PCLO: variants seen among roughly 807,000 people sequenced by gnomAD.
PCLO encodes piccolo presynaptic cytomatrix protein, also known as protein piccolo.
A neutral mutation model predicts 427.5 loss-of-function variants in PCLO; 82 were observed. The ratio of observed to expected loss-of-function variants is 0.19; its 90% CI spans 0.16 to 0.23. The LOEUF is 0.23. Ranked by LOEUF, PCLO falls within the 10% of genes least tolerant of loss-of-function variation. PCLO has a pLI of 1.00. For synonymous variants in PCLO, 2,357 were observed against 2,155.4 expected (o/e 1.09, Z -2.59); for missense variants, 6,239 against 6,115.9 (o/e 1.02, Z -0.67).
intron 10 of PCLO, among the ~76,000 whole-genome samples, chr7:82,855,303 A>G (rs1792773927): frequency 6.6e-6 from 1 of 152,148 alleles, no homozygotes; most frequent in Non-Finnish European, 1.5e-5. Flanking sequence ...AGTGACACCT[A>G]AGAGGTGATA....
intron 4 of PCLO, among the ~76,000 whole-genome samples, chr7:82,964,064 T>C (rs1468245945): frequency 6.6e-6 from 1 of 152,146 alleles, no homozygotes; most frequent in Non-Finnish European, 1.5e-5. Context: ...AGAAAACATT[T>C]ACCTGACAGC....
intron 6 of PCLO, among the ~76,000 whole-genome samples, chr7:82,942,611 A>G (rs897168149): frequency 1.3e-5 from 2 of 152,148 alleles, no homozygotes; most frequent in African/African-American, 4.8e-5. Flanking sequence ...ACATTTGTAT[A>G]TCTGTGTACA....
At chr7:83,127,219 C>T (rs1004872246) in intron 3 of PCLO, among the ~76,000 whole-genome samples, 4 of 151,834 alleles carry the variant, frequency 2.6e-5, no homozygotes, top group Admixed American at 2.6e-4. Context: ...TGAGGTAAGT[C>T]GGTGAGTGTT....
chr7:83,060,059 T>C (rs1280340777), intron 3 of PCLO, among the ~76,000 whole-genome samples: 2 of 152,170 alleles, frequency 1.3e-5, no homozygotes, highest in Non-Finnish European at 2.9e-5. Context: ...AATAGCTGCA[T>C]AGATAAACTT....
At chr7:82,989,901 A>T (rs1319353899) in intron 3 of PCLO, among the ~76,000 whole-genome samples, 1 of 152,152 alleles carries the variant, frequency 6.6e-6, no homozygotes, top group East Asian at 1.9e-4. Context: ...CATTAAGGAG[A>T]TTATGTTTTG....
At chr7:83,083,335 C>T (rs2116406235) in intron 3 of PCLO, among the ~76,000 whole-genome samples, 1 of 151,968 alleles carries the variant, frequency 6.6e-6, no homozygotes, top group African/African-American at 2.4e-5. Flanking sequence ...TGTACAAAAT[C>T]AAATATGATC....
intron 3 of PCLO, among the ~76,000 whole-genome samples, chr7:83,087,081 A>G (rs62458611): frequency 0.55 from 55,674 of 100,618 alleles, 11,321 homozygotes; most frequent in Middle Eastern, 0.6. Context: ...GGTGGGGGGA[A>G]GGGGGAGGGA....
intron 12 of PCLO, among the ~76,000 whole-genome samples, chr7:82,845,924 T>C (rs1199383930): frequency 6.6e-6 from 1 of 152,148 alleles, no homozygotes; most frequent in Non-Finnish European, 1.5e-5. Flanking sequence ...AAAATTCGTA[T>C]AGCACTTGGT....
chr7:83,096,613 C>A (rs6962736), intron 3 of PCLO, among the ~76,000 whole-genome samples: 1 of 148,796 alleles, frequency 6.7e-6, no homozygotes, highest in Non-Finnish European at 1.5e-5. Context: ...GGTGGGATTG[C>A]CATCAAAATT....
At chr7:82,814,881 A>AAGACCCAC (rs893133127) in intron 20 of PCLO, among the ~76,000 whole-genome samples, 4 of 152,038 alleles carry the variant, frequency 2.6e-5, no homozygotes, top group African/African-American at 9.7e-5. Context: ...ATTACTGGTC[A>AAGACCCAC]AGACCCACAG....
At chr7:82,790,547 A>G (rs2129468390) in intron 22 of PCLO, among the ~76,000 whole-genome samples, 1 of 152,322 alleles carries the variant, frequency 6.6e-6, no homozygotes, top group South Asian at 2.1e-4. Flanking sequence ...TCCTGCCAGG[A>G]AGGCTTTTCT....
chr7:83,117,270 A>C (rs1791158496), intron 3 of PCLO, among the ~76,000 whole-genome samples: 1 of 152,122 alleles, frequency 6.6e-6, no homozygotes, highest in African/African-American at 2.4e-5. Flanking sequence ...GTAGGATTAG[A>C]GGCAGGCCCA....
intron 3 of PCLO, among the ~76,000 whole-genome samples, chr7:83,055,642 G>C (rs1000353838): frequency 3.3e-5 from 5 of 151,996 alleles, no homozygotes; most frequent in Non-Finnish European, 7.4e-5. Flanking sequence ...TTAGGTATAA[G>C]TGATTTTGCA....
rs946570048 is a variant in PCLO, at chr7:82,971,424, ATATG to A, written c.3301-4941_3301-4938del. Among the ~76,000 whole-genome samples the A allele has an allele frequency of 1.7e-4, 26 of 150,850 alleles. No homozygotes were observed. In the Admixed American group the frequency reaches 1.7e-3, roughly 10 times the overall value. On this transcript the variant is annotated intron_variant, in intron 3 of 24. Coordinates refer to ENST00000333891, the MANE Select transcript of PCLO (RefSeq NM_033026.6). Reference sequence around the variant, plus strand: ...TTTATGTGTATGTGTGTGTGTATATATATGTGTGTGTGTGTATACATCTGTAATA... The same window carrying A: ...TTTATGTGTATGTGTGTGTGTATATATGTGTGTGTGTATACATCTGTAATA...
intron 3 of PCLO, among the ~76,000 whole-genome samples, chr7:83,116,068 T>C (rs898936407): frequency 2.6e-5 from 4 of 152,070 alleles, no homozygotes; most frequent in African/African-American, 9.7e-5. Context: ...GGATGTCTAG[T>C]ATTACCATTT....
intron 3 of PCLO, among the ~76,000 whole-genome samples, chr7:83,123,956 CAAAAAAA>C (rs71074625): frequency 3.4e-5 from 1 of 29,056 alleles, no homozygotes; most frequent in Non-Finnish European, 5.4e-5. Context: ...AACTCTGTCT[CAAAAAAA>C]AAAAAAAAAA....
At chr7:83,043,124 CCCA>C (rs1562935570) in intron 3 of PCLO, among the ~76,000 whole-genome samples, 1 of 152,118 alleles carries the variant, frequency 6.6e-6, no homozygotes, top group Non-Finnish European at 1.5e-5. Context: ...CTTCCCTTTC[CCCA>C]TTGTGACAAT....
At chr7:82,824,818 G>A (rs888151995) in intron 18 of PCLO, among the ~76,000 whole-genome samples, 1 of 151,630 alleles carries the variant, frequency 6.6e-6, no homozygotes, top group African/African-American at 2.4e-5. Context: ...GCGTGGTGGC[G>A]GGCACCTGTA....
intron 3 of PCLO, among the ~76,000 whole-genome samples, chr7:83,059,380 A>ATATATATATATATATAT (rs33911766): frequency 3.6e-5 from 3 of 83,488 alleles, no homozygotes; most frequent in Non-Finnish European, 6.4e-5. Flanking sequence ...ATATATATAT[A>ATATATATATATATATAT]AAAATGAAAA....
Sources: gnomAD v4.1 joint callset for allele counts (sites outside exome capture counted in the v4.1 genomes callset) on GRCh38, gnomAD v4.1.1 for gene constraint, MANE v1.5 for transcripts, NCBI Gene and HGNC (gene_info 2026-07-23, HGNC 2026-07-21) for gene names.